ZPBP: variants seen among roughly 807,000 people sequenced by gnomAD.
The protein encoded by ZPBP is zona pellucida-binding protein 1.
ZPBP carries 26 observed loss-of-function variants against 44.8 expected under a neutral mutation model. The ratio of observed to expected loss-of-function variants is 0.58; its 90% confidence interval spans 0.43 to 0.81. ZPBP has a LOEUF of 0.81. Among genes scored for constraint, ZPBP ranks in the 30% least tolerant of loss-of-function variants. ZPBP has a pLI of 0.00. For missense variants in ZPBP, 409 were observed against 434.0 expected, an observed-to-expected ratio of 0.94 and a Z score of 0.51; for synonymous variants, 174 against 153.2, an observed-to-expected ratio of 1.14 and a Z score of -1.00.
intron 2 of ZPBP, among the ~76,000 whole-genome samples, chr7:49,875,987 C>G (rs1791399297): frequency 6.6e-6 from 1 of 152,144 alleles, no homozygotes; most frequent in South Asian, 2.1e-4. Context: ...TGCTGGCACA[C>G]TTATTCTGTA....
chr7:49,958,277 T>A (rs751877756), intron 7 of ZPBP, among the ~76,000 whole-genome samples: 1 of 152,178 alleles, frequency 6.6e-6, no homozygotes, highest in Non-Finnish European at 1.5e-5. Flanking sequence ...TGAAACAAGT[T>A]AAGACTTTTG....
chr7:50,020,208 T>C (rs545275704), intron 5 of ZPBP, among the ~76,000 whole-genome samples: 1 of 152,086 alleles, frequency 6.6e-6, no homozygotes, highest in Non-Finnish European at 1.5e-5. Context: ...TACCAATGCA[T>C]CATAAAATGA....
At chr7:49,914,096 A>T (rs972105225) in intron 1 of ZPBP, 4 of 152,176 alleles carry the variant, frequency 2.6e-5, no homozygotes, top group African/African-American at 9.7e-5. Flanking sequence ...TTATTCAAGG[A>T]TGGATTGTTT....
At chr7:49,911,112 A>G (rs1793396620) in intron 1 of ZPBP, among the ~76,000 whole-genome samples, 1 of 152,160 alleles carries the variant, frequency 6.6e-6, no homozygotes. Context: ...AGTATTTAGA[A>G]TTAATTAAAC....
chr7:49,982,781 A>G (rs1270243838), intron 7 of ZPBP, among the ~76,000 whole-genome samples: 1 of 151,936 alleles, frequency 6.6e-6, no homozygotes, highest in Non-Finnish European at 1.5e-5. Context: ...AATAATAGAA[A>G]TGCAAAGACT....
intron 4 of ZPBP, among the ~76,000 whole-genome samples, chr7:50,051,813 T>G (rs1248450216): frequency 2.0e-5 from 3 of 151,846 alleles, no homozygotes; most frequent in Admixed American, 1.3e-4. Context: ...CTGTCGGTGG[T>G]GTGAGGAGGA....
At chr7:49,850,279 T>A (rs1377415614), downstream of ZPBP, 3 of 152,280 alleles carry the variant, frequency 2.0e-5, no homozygotes, top group Non-Finnish European at 4.4e-5. Flanking sequence ...AATTACATCA[T>A]CACCTAGGAA....
intron 3 of ZPBP, among the ~76,000 whole-genome samples, chr7:50,060,418 G>T (rs1173232814): frequency 1.3e-5 from 2 of 152,002 alleles, no homozygotes; most frequent in Non-Finnish European, 2.9e-5. Context: ...CTGCTAGCTG[G>T]ACTAATAGAG....
intron 1 of ZPBP, among the ~76,000 whole-genome samples, chr7:49,905,023 C>T (rs1257197923): frequency 8.5e-5 from 13 of 152,072 alleles, no homozygotes; most frequent in Admixed American, 6.5e-4. Context: ...TGTGAGCCAT[C>T]GTGCCAGGCC....
chr7:50,021,192 A>C (rs993547320), intron 5 of ZPBP, among the ~76,000 whole-genome samples: 1 of 152,130 alleles, frequency 6.6e-6, no homozygotes, highest in Non-Finnish European at 1.5e-5. Flanking sequence ...GAGGAAACAC[A>C]GACATTGGAC....
intron 6 of ZPBP, among the ~76,000 whole-genome samples, chr7:50,011,630 G>A (rs1399906002): frequency 6.6e-6 from 1 of 151,970 alleles, no homozygotes; most frequent in Non-Finnish European, 1.5e-5. Context: ...AAATTCAGAA[G>A]GACTTAAAAT....
At chr7:49,843,847 T>C in the ZPBP span, among the ~76,000 whole-genome samples, 1 of 152,206 alleles carries the variant, frequency 6.6e-6, no homozygotes, top group African/African-American at 2.4e-5. Context: ...AATCTGTCAG[T>C]TGTGCAGAGG....
At chr7:49,969,002 T>C (rs905137027) in intron 7 of ZPBP, among the ~76,000 whole-genome samples, 8 of 151,756 alleles carry the variant, frequency 5.3e-5, no homozygotes, top group African/African-American at 1.9e-4. Flanking sequence ...GGCAAATTAA[T>C]TTATGGTGAT....
chr7:50,046,559 G>C (rs925497921), intron 4 of ZPBP, among the ~76,000 whole-genome samples: 10 of 152,046 alleles, frequency 6.6e-5, no homozygotes, highest in African/African-American at 2.2e-4. Context: ...CATCATCTCT[G>C]GTCATTACAG....
At chr7:50,011,773 C>A (rs201831872) in intron 6 of ZPBP, among the ~76,000 whole-genome samples, 1 of 151,968 alleles carries the variant, frequency 6.6e-6, no homozygotes, top group East Asian at 1.9e-4. Context: ...AAGAAGGGGC[C>A]AGGTGTGGTG....
intron 7 of ZPBP, among the ~76,000 whole-genome samples, chr7:49,955,906 A>G (rs1349706787): frequency 3.3e-5 from 5 of 152,178 alleles, no homozygotes; most frequent in African/African-American, 4.8e-5. Flanking sequence ...GAGGATATAC[A>G]TTATCAAAAC....
In ZPBP at chr7:50,031,160, TTAAG is replaced by T; in HGVS notation, c.634_637del (p.Leu212SerfsTer27). On this transcript the variant is annotated frameshift_variant, in exon 5 of 8. Coordinates refer to ENST00000046087, the MANE Select transcript of ZPBP (RefSeq NM_007009.3). LOFTEE classifies it high-confidence loss of function. ...CATTTTAACGCGATGGCATTCAGACTTAAGTAAGGAAATTTCACATGAAAGGTCA... is the reference window on the plus strand; with the variant it reads ...CATTTTAACGCGATGGCATTCAGACTTAAGGAAATTTCACATGAAAGGTCA... 6.2e-7 allele frequency: 1 copy of T among 1,613,774 alleles called. No individual in the cohort carries two copies. Among genetic ancestry groups the T allele is most frequent in the Non-Finnish European group, 8.5e-7 (1 of 1,179,836 alleles).
intron 6 of ZPBP, among the ~76,000 whole-genome samples, chr7:50,015,748 C>G (rs1361770878): frequency 1.3e-5 from 2 of 151,938 alleles, no homozygotes; most frequent in African/African-American, 2.4e-5. Context: ...AGGACATGAA[C>G]AGACACTTCT....
chr7:49,980,767 A>C (rs1157505235), intron 7 of ZPBP, among the ~76,000 whole-genome samples: 1 of 152,094 alleles, frequency 6.6e-6, no homozygotes, highest in Non-Finnish European at 1.5e-5. Context: ...TACGCCTTAC[A>C]TCCCAACATT....
Sources: gnomAD v4.1 joint callset for allele counts (sites outside exome capture counted in the v4.1 genomes callset) on GRCh38, gnomAD v4.1.1 for gene constraint, MANE v1.5 for transcripts, NCBI Gene and HGNC (gene_info 2026-07-23, HGNC 2026-07-21) for gene names.